The following PLEKHA5 variants were observed in gnomAD, a reference collection of about 807,000 sequenced individuals.
The protein encoded by PLEKHA5 is pleckstrin homology domain-containing family A member 5.
In PLEKHA5, 55 loss-of-function variants were observed where a neutral mutation model predicts 181.9. The observed-to-expected ratio is 0.30, with a 90% CI of 0.24 to 0.38. The LOEUF (loss-of-function observed/expected upper bound fraction) is 0.38. Ranked by LOEUF, PLEKHA5 falls within the 10% of genes least tolerant of loss-of-function variation. PLEKHA5 has a pLI of 1.00. For synonymous variants in PLEKHA5, 535 were observed against 529.4 expected (o/e 1.01, Z -0.15); for missense variants, 1,432 against 1,549.5 (o/e 0.92, Z 1.27).
At chr12:19,277,514 T>C (rs1419157695) in intron 11 of PLEKHA5, among the ~76,000 whole-genome samples, 3 of 152,318 alleles carry the variant, frequency 2.0e-5, no homozygotes, top group East Asian at 3.9e-4. Context: ...AGATTTTCTC[T>C]GGGTTCCTCC....
intron 3 of PLEKHA5, among the ~76,000 whole-genome samples, chr12:19,252,221 GAACTT>G (rs748124817): frequency 2.6e-5 from 4 of 152,110 alleles, no homozygotes; most frequent in Admixed American, 6.6e-5. Context: ...TTTGGAAAAA[GAACTT>G]AAGCATATGA....
At chr12:19,307,027 C>T (rs755539391) in intron 15 of PLEKHA5, 16 of 1,485,306 alleles carry the variant, frequency 1.1e-5, no homozygotes, top group Non-Finnish European at 1.5e-5. Flanking sequence ...TGTTCCTGCC[C>T]TTGCTGCGCT....
chr12:19,235,264 G>A (rs984363424), intron 3 of PLEKHA5, among the ~76,000 whole-genome samples: 1 of 152,130 alleles, frequency 6.6e-6, no homozygotes, highest in African/African-American at 2.4e-5. Flanking sequence ...CATATGAAAG[G>A]AATTTGTTTT....
chr12:19,148,499 G>A (rs548983113), intron 3 of PLEKHA5, among the ~76,000 whole-genome samples: 1 of 152,350 alleles, frequency 6.6e-6, no homozygotes, highest in East Asian at 1.9e-4. Flanking sequence ...GACGGGCCTA[G>A]CAGGTCACAT....
At chr12:19,279,556 G>A (rs961641809) in intron 11 of PLEKHA5, among the ~76,000 whole-genome samples, 1 of 151,880 alleles carries the variant, frequency 6.6e-6, no homozygotes, top group African/African-American at 2.4e-5. Context: ...ACAGCTACTC[G>A]GGAGGCTGAG....
Position 19,130,064 on chromosome 12 carries a change from A to G in PLEKHA5, c.103A>G (p.Ser35Gly), listed in dbSNP as rs768005872. The G allele has an allele frequency of 4.4e-6, 7 of 1,590,718 alleles. No individual in the cohort carries two copies. Among genetic ancestry groups the G allele is most frequent in the Non-Finnish European group, 6.0e-6 (7 of 1,169,960 alleles). ...RVFFINEEAKSTTWLHPVTGE... is the reference protein window; with the variant it reads ...RVFFINEEAKGTTWLHPVTGE... ...TCACCCCTGCAGCGAGGAGGCCAAG[A>G]GCACCACCTGGCTGCACCCCGTCAC... The change falls in exon 2 of 32, where the codon AGC becomes GGC. Residue 35 changes from serine to glycine, a missense_variant. Physicochemically the swap from Ser to Gly is moderately conservative, Grantham distance 56 (BLOSUM62 0). This residue lies in a region of PLEKHA5 where 289 missense variants were observed against 381.1 expected (regional missense o/e 0.76). Transcript: ENST00000429027. This position sits in a 1 kb window ranked among gnomAD's most constrained non-coding sequence, Gnocchi z 4.5.
chr12:19,187,783 G>T lies in PLEKHA5; in HGVS notation c.227+55333G>T, dbSNP rs182774028. On this transcript the variant is annotated intron_variant, in intron 3 of 31. Transcript: ENST00000429027. ...GAATGAGTGTCTCTACCTTACTGAG[G>T]TGTAGAACCCATAAAGGTAACATAC... Among the ~76,000 whole-genome samples the T allele has an allele frequency of 1.2e-3, 190 of 152,214 alleles. 2 individuals are homozygous for T. Among genetic ancestry groups the T allele is most frequent in the Admixed American group, 0.011 (168 of 15,282 alleles).
intron 18 of PLEKHA5, among the ~76,000 whole-genome samples, chr12:19,321,871 T>G (rs2153044321): frequency 6.6e-6 from 1 of 152,304 alleles, no homozygotes; most frequent in East Asian, 1.9e-4. Flanking sequence ...TAAAACTGGT[T>G]TATTGTACTA....
In PLEKHA5 at chr12:19,187,523, T is replaced by C. The variant is rs147353882; in HGVS notation, c.227+55073T>C. Among the ~76,000 whole-genome samples, 81 of 152,250 alleles carry C rather than the reference T, an allele frequency of 5.3e-4. 2 individuals are homozygous for C. The East Asian group carries it at 0.012, about 23-fold the overall frequency. ...GCAGGTGGCTTCAGTTCGTCAGTCA[T>C]GGTGCTTGGCTTTACCCCTAGTTAG... On this transcript the variant is annotated intron_variant, in intron 3 of 31. Transcript: ENST00000429027.
chr12:19,372,492 C>T (rs1304445702), intron 31 of PLEKHA5: 2 of 151,618 alleles, frequency 1.3e-5, no homozygotes, highest in African/African-American at 4.8e-5. Context: ...TATTTCCTCC[C>T]ATCCTGTTTT....
At chr12:19,336,124 A>G (rs1020575280) in intron 20 of PLEKHA5, among the ~76,000 whole-genome samples, 72 of 152,210 alleles carry the variant, frequency 4.7e-4, no homozygotes, top group Non-Finnish European at 7.1e-4. Flanking sequence ...AATTGTTTAA[A>G]TAGCTAGCTA....
Position 19,231,602 on chromosome 12 carries a change from A to ATG in PLEKHA5, c.228-22337_228-22336insGT, listed in dbSNP as rs1271807948. Reference sequence around the variant, plus strand: ...TATATATATTTATATATGTACACATATATATATATAAATACTCATAAAGCT... The same window carrying ATG: ...TATATATATTTATATATGTACACATATGTATATATATAAATACTCATAAAGCT... On this transcript the variant is annotated intron_variant, in intron 3 of 31. Transcript: ENST00000429027. Among the ~76,000 whole-genome samples the ATG allele has an allele frequency of 2.0e-3, 6 of 3,040 alleles. 1 individual carries two copies. In the East Asian group the frequency reaches 0.044, roughly 22 times the overall value. 2.0% of individuals were successfully genotyped at this position (3,040 alleles called of 152,430 possible). A position where few individuals can be genotyped will look rare whatever the true frequency, so the allele number is the denominator to read the frequency against.
rs189336585 is a variant in PLEKHA5 at position 19,234,595 on chromosome 12, G to A, written c.228-19345G>A. Among the ~76,000 whole-genome samples the A allele has an allele frequency of 2.1e-3, 319 of 152,144 alleles. 1 individual carries two copies. Among genetic ancestry groups the A allele is most frequent in the African/African-American group, 7.3e-3 (303 of 41,506 alleles). On this transcript the variant is annotated intron_variant, in intron 3 of 31. Transcript: ENST00000429027. ...GATTCGATGTATTGTTTTTCTCCTG[G>A]CAGCCATATGCAGAACCACCATACC...
intron 3 of PLEKHA5, among the ~76,000 whole-genome samples, chr12:19,170,804 A>G (rs1302654995): frequency 6.6e-6 from 1 of 152,176 alleles, no homozygotes; most frequent in Non-Finnish European, 1.5e-5. Flanking sequence ...CTTTTCTTAC[A>G]TACTTTGGTT....
chr12:19,326,937 G>A (rs372602535), intron 20 of PLEKHA5, among the ~76,000 whole-genome samples: 2 of 152,196 alleles, frequency 1.3e-5, no homozygotes, highest in Non-Finnish European at 2.9e-5. Flanking sequence ...TGGTATATAT[G>A]TACCACATTT....
chr12:19,154,738 G>A (rs2041274194), intron 3 of PLEKHA5: 2 of 152,118 alleles, frequency 1.3e-5, no homozygotes, highest in Admixed American at 6.5e-5. Context: ...GAATCTACTA[G>A]TAACATATTT....
chr12:19,162,652 C>G (rs1312107279), intron 3 of PLEKHA5, among the ~76,000 whole-genome samples: 1 of 151,528 alleles, frequency 6.6e-6, no homozygotes, highest in Non-Finnish European at 1.5e-5. Flanking sequence ...TAATGAACTT[C>G]AGCAACTTTA....
intron 15 of PLEKHA5, among the ~76,000 whole-genome samples, chr12:19,311,419 G>A (rs1156511239): frequency 1.3e-5 from 2 of 150,966 alleles, no homozygotes; most frequent in Non-Finnish European, 2.9e-5. Flanking sequence ...CTCCAGTCTG[G>A]GCAACAGAGC....
chr12:19,336,551 G>C lies in PLEKHA5; in HGVS notation c.2485G>C (p.Glu829Gln). The C allele has an allele frequency of 6.2e-7, 1 of 1,609,404 alleles. No homozygotes were observed. The highest frequency in any genetic ancestry group is 8.5e-7 in the Non-Finnish European group (1 of 1,176,584). Residue 829 changes from glutamate to glutamine, a missense_variant, in exon 21 of 32, where the codon GAA (glutamate) becomes CAA (glutamine). By Grantham distance (29) the Glu-to-Gln change is conservative. Coordinates refer to ENST00000429027, the MANE Select transcript of PLEKHA5 (RefSeq NM_001256470.2). ...ERAWREYDKL[E>Q]YDVTVTRNQM... The stretch of plus-strand genomic sequence containing the variant: ...AGCATGGAGAGAATATGATAAGTTA[G>C]AATACGATGTAACTGTTACCAGGAA...
Sources: gnomAD v4.1 joint callset for allele counts (sites outside exome capture counted in the v4.1 genomes callset) on GRCh38, gnomAD v4.1.1 for gene constraint, gnomAD v4.1.1 regional missense constraint, Gnocchi (gnomAD v3.1) non-coding constraint, MANE v1.5 for transcripts, NCBI Gene and HGNC (gene_info 2026-07-23, HGNC 2026-07-21) for gene names.